Variants in FBXO34 observed in about 807,000 individuals in gnomAD.
FBXO34 encodes F-box only protein 34.
FBXO34 carries 12 observed loss-of-function variants against 24.5 expected under a neutral mutation model. That is an observed-to-expected ratio of 0.49 (90% CI 0.31 to 0.79). The LOEUF is 0.79. FBXO34 is among the 30% of genes least tolerant of loss of function. The pLI, the probability that FBXO34 is intolerant of heterozygous loss-of-function variation, is 0.04. For synonymous variants in FBXO34, 320 were observed against 311.9 expected, an observed-to-expected ratio of 1.03 and a Z score of -0.27; for missense variants, 823 against 857.7, an observed-to-expected ratio of 0.96 and a Z score of 0.51.
chr14:55,363,689 G>C (rs1194702026), downstream of FBXO34, among the ~76,000 whole-genome samples: 1 of 152,134 alleles, frequency 6.6e-6, no homozygotes, highest in East Asian at 1.9e-4. Flanking sequence ...TGCGGCCCAG[G>C]ATGGCTTTGA....
At chr14:55,321,994 G>A (rs959170649) in intron 1 of FBXO34, among the ~76,000 whole-genome samples, 1 of 152,144 alleles carries the variant, frequency 6.6e-6, no homozygotes, top group African/African-American at 2.4e-5. Flanking sequence ...TCTCTAACTT[G>A]CCTCCGCAAA....
chr14:55,442,588 T>C, the FBXO34 span, among the ~76,000 whole-genome samples: 1 of 152,312 alleles, frequency 6.6e-6, no homozygotes, highest in African/African-American at 2.4e-5. Context: ...CAGCTCATTC[T>C]AAGAATCAAA....
chr14:55,297,753 A>T (rs902452420), intron 1 of FBXO34, among the ~76,000 whole-genome samples: 1 of 152,198 alleles, frequency 6.6e-6, no homozygotes, highest in Non-Finnish European at 1.5e-5. Flanking sequence ...ACTTCTTCCC[A>T]AGAAAGGATC....
At chr14:55,369,496 C>G, downstream of FBXO34, 2 of 1,025,590 alleles carry the variant, frequency 2.0e-6, no homozygotes, top group Non-Finnish European at 2.7e-6. Context: ...AAAGACAAAA[C>G]AAAACAACAC....
intron 1 of FBXO34, among the ~76,000 whole-genome samples, chr14:55,311,467 G>A (rs1477571699): frequency 6.6e-6 from 1 of 152,120 alleles, no homozygotes; most frequent in Non-Finnish European, 1.5e-5. Flanking sequence ...CTTCCCAGCA[G>A]CCCCCCAAAG....
chr14:55,330,801 A>C (rs1439966998), intron 1 of FBXO34, among the ~76,000 whole-genome samples: 1 of 152,108 alleles, frequency 6.6e-6, no homozygotes, highest in African/African-American at 2.4e-5. Flanking sequence ...ATCAATCAGT[A>C]ATTTGTGTAT....
intron 1 of FBXO34, among the ~76,000 whole-genome samples, chr14:55,317,646 G>A (rs1207077882): frequency 6.6e-6 from 1 of 152,182 alleles, no homozygotes; most frequent in Non-Finnish European, 1.5e-5. Flanking sequence ...ACTGTGTTCA[G>A]TGACATCATT....
At position 55,352,172 on chromosome 14, in the gene FBXO34, T is replaced by C; in HGVS notation, c.1782T>C (p.Ser594=). ...TCTTCAGGTTACTTCCCACCAAGAG[T>C]TTAGTGGCCCTTAAATGTACCTGCT... The part of the protein sequence containing the change: ...VKIFRLLPTK[S]LVALKCTCCY... The change falls in exon 2 of 2, where the codon AGT becomes AGC. Residue 594 remains serine (S), a synonymous_variant. Coordinates refer to ENST00000313833, the MANE Select transcript of FBXO34 (RefSeq NM_017943.4). 1 of 1,613,896 alleles carries C rather than the reference T, an allele frequency of 6.2e-7. No homozygotes were observed. Among genetic ancestry groups the C allele is most frequent in the Non-Finnish European group, 8.5e-7 (1 of 1,179,962 alleles).
chr14:55,299,220 A>G, intron 1 of FBXO34: 1 of 886,678 alleles, frequency 1.1e-6, no homozygotes, highest in Non-Finnish European at 1.9e-6. Context: ...AAAACCTGCC[A>G]AGAAGAGGAA....
chr14:55,280,761 C>T (rs945625479), intron 1 of FBXO34, among the ~76,000 whole-genome samples: 6 of 151,948 alleles, frequency 3.9e-5, no homozygotes, highest in African/African-American at 9.7e-5. Flanking sequence ...CTCCTGACCT[C>T]GTGATCCTCC....
At chr14:55,355,953 AT>A (rs1323130662), downstream of FBXO34, among the ~76,000 whole-genome samples, 1 of 152,186 alleles carries the variant, frequency 6.6e-6, no homozygotes, top group Non-Finnish European at 1.5e-5. Context: ...TCATGGGAGC[AT>A]CCTTGGTGGA....
At chr14:55,341,229 A>G (rs1248478012) in intron 1 of FBXO34, among the ~76,000 whole-genome samples, 1 of 152,212 alleles carries the variant, frequency 6.6e-6, no homozygotes, top group African/African-American at 2.4e-5. Context: ...CCCATCTAAC[A>G]GGATTCTTGC....
At chr14:55,378,147 T>A in the FBXO34 span, 1 of 1,283,390 alleles carries the variant, frequency 7.8e-7, no homozygotes, top group Non-Finnish European at 1.1e-6. Context: ...CCATTTACAG[T>A]ACAATTAGGT....
At chr14:55,296,434 C>T (rs542805529) in intron 1 of FBXO34, among the ~76,000 whole-genome samples, 8 of 118,140 alleles carry the variant, frequency 6.8e-5, no homozygotes, top group East Asian at 2.8e-4. Context: ...CTCGCTCTGT[C>T]GCCCAGGTTG....
At chr14:55,340,118 G>A (rs929078187) in intron 1 of FBXO34, among the ~76,000 whole-genome samples, 1 of 152,162 alleles carries the variant, frequency 6.6e-6, no homozygotes, top group African/African-American at 2.4e-5. Flanking sequence ...TCAAACAACT[G>A]GGCTTGTAGC....
At chr14:55,421,060 C>A in the FBXO34 span, among the ~76,000 whole-genome samples, 606 of 107,190 alleles carry the variant, frequency 5.7e-3, no homozygotes, top group South Asian at 7.0e-3. Flanking sequence ...GAATCTGTCT[C>A]AAAAAAAAAA....
chr14:55,421,009 C>T, the FBXO34 span, among the ~76,000 whole-genome samples: 2 of 140,646 alleles, frequency 1.4e-5, no homozygotes, highest in Non-Finnish European at 3.0e-5. Context: ...TGCAGTGAGC[C>T]GAGATCGCAC....
chr14:55,297,929 C>T (rs918554527), intron 1 of FBXO34, among the ~76,000 whole-genome samples: 2 of 152,172 alleles, frequency 1.3e-5, no homozygotes, highest in Admixed American at 6.5e-5. Context: ...AAACACTGAC[C>T]GTCCACTTCT....
intron 1 of FBXO34, among the ~76,000 whole-genome samples, chr14:55,292,891 CT>C (rs111373920): frequency 1.3e-5 from 2 of 150,930 alleles, no homozygotes; most frequent in African/African-American, 2.4e-5. Context: ...AACTTTTCTC[CT>C]TTTTTTTTGA....
Sources: gnomAD v4.1 joint callset for allele counts (sites outside exome capture counted in the v4.1 genomes callset) on GRCh38, gnomAD v4.1.1 for gene constraint, MANE v1.5 for transcripts, NCBI Gene and HGNC (gene_info 2026-07-23, HGNC 2026-07-21) for gene names.